Variants in GRIK2 observed in about 807,000 individuals in gnomAD.
The protein encoded by GRIK2 is glutamate ionotropic receptor kainate type subunit 2.
In GRIK2, 32 loss-of-function variants were observed where a neutral mutation model predicts 100.3. The ratio of observed to expected loss-of-function variants is 0.32; its 90% CI spans 0.24 to 0.43. The LOEUF (loss-of-function observed/expected upper bound fraction) is 0.43, where lower values mean the gene tolerates loss of function less well. GRIK2 is among the 20% of genes least tolerant of loss of function. The pLI is 1.00. For missense variants in GRIK2, 843 were observed against 1,114.9 expected, an observed-to-expected ratio of 0.76 and a Z score of 3.47; for synonymous variants, 417 against 389.4, an observed-to-expected ratio of 1.07 and a Z score of -0.83.
chr6:101,767,941 T>C (rs898762168), intron 7 of GRIK2, among the ~76,000 whole-genome samples: 1 of 152,106 alleles, frequency 6.6e-6, no homozygotes, highest in Non-Finnish European at 1.5e-5. Context: ...CACTGTTAAC[T>C]TGTACCACAC....
chr6:101,722,320 A>C (rs113462409), intron 7 of GRIK2, among the ~76,000 whole-genome samples: 8 of 152,128 alleles, frequency 5.3e-5, no homozygotes, highest in South Asian at 2.1e-4. Flanking sequence ...ACAACAACAA[A>C]AAAATTTCTG....
intron 14 of GRIK2, among the ~76,000 whole-genome samples, chr6:101,986,075 C>A (rs914655654): frequency 6.6e-6 from 1 of 151,718 alleles, no homozygotes; most frequent in African/African-American, 2.4e-5. Flanking sequence ...GCACTTTTAT[C>A]TCAATGTCTG....
At chr6:101,714,885 T>C (rs1773953731) in intron 7 of GRIK2, among the ~76,000 whole-genome samples, 1 of 151,760 alleles carries the variant, frequency 6.6e-6, no homozygotes, top group African/African-American at 2.4e-5. Context: ...ACACTAAAAA[T>C]CTGAAGCATT....
chr6:101,618,550 T>C (rs1187412668), intron 2 of GRIK2, among the ~76,000 whole-genome samples: 1 of 151,820 alleles, frequency 6.6e-6, no homozygotes, highest in Non-Finnish European at 1.5e-5. Context: ...CATCAGTCAT[T>C]CCTATTCTTT....
At chr6:101,953,866 TC>T (rs1266611369) in intron 14 of GRIK2, among the ~76,000 whole-genome samples, 1 of 152,142 alleles carries the variant, frequency 6.6e-6, no homozygotes. Flanking sequence ...TATATTTTTT[TC>T]TAAGAGTTTT....
chr6:102,031,669 G>A (rs116782269), intron 14 of GRIK2, among the ~76,000 whole-genome samples: 2,583 of 151,064 alleles, frequency 0.017, 79 homozygotes, highest in African/African-American at 0.06. Flanking sequence ...CTTTATGTCC[G>A]TGAATACTCA....
At position 101,935,533 on chromosome 6, in the gene GRIK2, A is replaced by G. The variant is rs143497238; in HGVS notation, c.2085+6901A>G. Among the ~76,000 whole-genome samples the G allele has an allele frequency of 2.8e-3, 424 of 152,028 alleles. 3 individuals are homozygous for G. Among genetic ancestry groups the G allele is most frequent in the African/African-American group, 9.7e-3 (403 of 41,522 alleles). ...CATATTTGAGACTTGGGAGAATTGT[A>G]CATGAGACTTTGTGTTTACCTAATG... is the stretch of plus-strand genomic sequence containing the variant. On this transcript the variant is annotated intron_variant, in intron 14 of 16. Coordinates refer to ENST00000369134, the MANE Select transcript of GRIK2 (RefSeq NM_021956.5).
intron 2 of GRIK2, among the ~76,000 whole-genome samples, chr6:101,605,001 T>A (rs1385458480): frequency 1.3e-5 from 2 of 152,002 alleles, no homozygotes; most frequent in Non-Finnish European, 2.9e-5. Context: ...ACATAATTAG[T>A]GAATGAAACA....
At chr6:101,672,120 T>G (rs1427710310) in intron 4 of GRIK2, among the ~76,000 whole-genome samples, 1 of 152,044 alleles carries the variant, frequency 6.6e-6, no homozygotes, top group Non-Finnish European at 1.5e-5. Flanking sequence ...TATATGAAGG[T>G]GATTTTGAGT....
intron 16 of GRIK2, among the ~76,000 whole-genome samples, chr6:102,060,406 G>A (rs1277807691): frequency 4.0e-5 from 6 of 150,796 alleles, no homozygotes; most frequent in African/African-American, 1.4e-4. Context: ...GTTTAAACAC[G>A]CAAGACTAGG....
Position 102,068,548 on chromosome 6 carries a change from C to G in GRIK2, c.*37C>G. 1 of 1,587,720 alleles carries G rather than the reference C, an allele frequency of 6.3e-7. No individual in the cohort carries two copies. The highest frequency in any genetic ancestry group is 2.3e-5 in the East Asian group (1 of 44,092). On this transcript the variant is annotated 3_prime_UTR_variant, in exon 17 of 17. Transcript: ENST00000369134. ...CAAACACCCAAGCACAAACTGTCGTCTTTTTCCAAACAATTTAGCCAGAAT... is the reference window on the plus strand; with the variant it reads ...CAAACACCCAAGCACAAACTGTCGTGTTTTTCCAAACAATTTAGCCAGAAT...
chr6:101,630,723 T>G (rs1422410168), intron 4 of GRIK2, among the ~76,000 whole-genome samples: 1 of 152,122 alleles, frequency 6.6e-6, no homozygotes, highest in Non-Finnish European at 1.5e-5. Context: ...GACTATTTGA[T>G]GATGTGATAG....
At position 102,068,545 on chromosome 6, in the gene GRIK2, C is replaced by A; in HGVS notation, c.*34C>A. On this transcript the variant is annotated 3_prime_UTR_variant, in exon 17 of 17. Coordinates refer to ENST00000369134, the MANE Select transcript of GRIK2 (RefSeq NM_021956.5). The stretch of plus-strand genomic sequence containing the variant: ...GGCCAAACACCCAAGCACAAACTGT[C>A]GTCTTTTTCCAAACAATTTAGCCAG... 1 of 1,589,038 alleles carries A rather than the reference C, an allele frequency of 6.3e-7. No individual in the cohort carries two copies. The highest frequency in any genetic ancestry group is 1.1e-5 in the South Asian group (1 of 89,200).
chr6:101,608,825 G>GTA (rs1409580911), intron 2 of GRIK2, among the ~76,000 whole-genome samples: 1 of 63,554 alleles, frequency 1.6e-5, no homozygotes, highest in Non-Finnish European at 2.9e-5. Context: ...ATGTATGTAT[G>GTA]TGTGTGTGTG....
intron 2 of GRIK2, among the ~76,000 whole-genome samples, chr6:101,401,817 C>G (rs1775321051): frequency 6.6e-6 from 1 of 152,192 alleles, no homozygotes; most frequent in South Asian, 2.1e-4. Flanking sequence ...GGACCCGTGC[C>G]TTGGAAGGGA....
chr6:101,691,927 G>C (rs1287337846), intron 7 of GRIK2, among the ~76,000 whole-genome samples: 1 of 151,588 alleles, frequency 6.6e-6, no homozygotes, highest in East Asian at 1.9e-4. Context: ...GGTGGGGCAG[G>C]CCTGTAGTCA....
chr6:101,661,096 G>C (rs76234089), intron 4 of GRIK2, among the ~76,000 whole-genome samples: 2 of 152,230 alleles, frequency 1.3e-5, no homozygotes, highest in Admixed American at 1.3e-4. Context: ...TCCCTCAGGT[G>C]CTCTGTCTAG....
intron 14 of GRIK2, among the ~76,000 whole-genome samples, chr6:101,989,695 T>C (rs1165037015): frequency 6.6e-6 from 1 of 151,634 alleles, no homozygotes; most frequent in African/African-American, 2.4e-5. Flanking sequence ...ACCTGAGCCT[T>C]GGTTTCTTCA....
rs1156941606 is a variant in GRIK2 at position 102,055,316 on chromosome 6, C to T, written c.2312-14C>T. ...GGTTCCTTGAAATACTTAACATAAC[C>T]TCTCCTTTCTTAGGTTCTCCATATC... On this transcript the variant is annotated splice_polypyrimidine_tract_variant and intron_variant, in intron 15 of 16. Coordinates refer to ENST00000369134, the MANE Select transcript of GRIK2 (RefSeq NM_021956.5). 1 of 1,595,692 alleles carries T rather than the reference C, an allele frequency of 6.3e-7. No homozygotes were observed. The highest frequency in any genetic ancestry group is 1.7e-5 in the Admixed American group (1 of 59,160).
Sources: gnomAD v4.1 joint callset for allele counts (sites outside exome capture counted in the v4.1 genomes callset) on GRCh38, gnomAD v4.1.1 for gene constraint, MANE v1.5 for transcripts, NCBI Gene and HGNC (gene_info 2026-07-23, HGNC 2026-07-21) for gene names.